Variants in RALGAPA2 observed in about 807,000 individuals in gnomAD.
The protein encoded by RALGAPA2 is ral GTPase-activating protein subunit alpha-2.
In RALGAPA2, 139 loss-of-function variants were observed where a neutral mutation model predicts 230.4. The ratio of observed to expected loss-of-function variants is 0.60; its 90% confidence interval spans 0.53 to 0.69. The LOEUF (loss-of-function observed/expected upper bound fraction) is 0.69, where lower values mean the gene tolerates loss of function less well. Among genes scored for constraint, RALGAPA2 ranks in the 30% least tolerant of loss-of-function variants. The probability of loss-of-function intolerance (pLI) is 0.00; values close to 1 mark genes in which losing one functional copy is unlikely to be tolerated. For missense variants in RALGAPA2, 2,163 were observed against 2,276.0 expected (o/e 0.95, Z 1.01); for synonymous variants, 847 against 837.8 (o/e 1.01, Z -0.19).
intron 38 of RALGAPA2, among the ~76,000 whole-genome samples, chr20:20,411,804 G>T (rs1175709820): frequency 2.0e-5 from 3 of 152,226 alleles, no homozygotes; most frequent in Non-Finnish European, 4.4e-5. Context: ...AACCTTGCTA[G>T]ATTTGAAGGT....
chr20:20,643,118 T>G (rs1258179590), intron 5 of RALGAPA2, among the ~76,000 whole-genome samples: 1 of 152,224 alleles, frequency 6.6e-6, no homozygotes. Context: ...ACTATAATTT[T>G]AACAACCAGG....
chr20:20,512,240 TAC>T (rs370439645), intron 32 of RALGAPA2, among the ~76,000 whole-genome samples: 13,316 of 137,830 alleles, frequency 0.097, 644 homozygotes, highest in Middle Eastern at 0.14. Context: ...CACACACACA[TAC>T]ACACACACAC....
intron 30 of RALGAPA2, 32 bp downstream of exon 30, chr20:20,524,374 C>A: frequency 6.2e-7 from 1 of 1,612,964 alleles, no homozygotes; most frequent in Non-Finnish European, 8.5e-7. Flanking sequence ...TAAACCCACA[C>A]TCCATTCCCC....
At chr20:20,594,728 C>CTTTT (rs759189397) in intron 16 of RALGAPA2, among the ~76,000 whole-genome samples, 5 of 134,034 alleles carry the variant, frequency 3.7e-5, no homozygotes, top group Non-Finnish European at 8.0e-5. Context: ...CTATTACTTT[C>CTTTT]TTTTTTTTTT....
chr20:20,404,004 C>T (rs1352032366), intron 38 of RALGAPA2, among the ~76,000 whole-genome samples: 2 of 152,150 alleles, frequency 1.3e-5, no homozygotes, highest in African/African-American at 4.8e-5. Flanking sequence ...CTGAGTGCTG[C>T]GGGAAAGGCA....
At chr20:20,425,276 C>A (rs2060358085) in intron 37 of RALGAPA2, among the ~76,000 whole-genome samples, 1 of 152,210 alleles carries the variant, frequency 6.6e-6, no homozygotes, top group Admixed American at 6.5e-5. Context: ...TCAGGCACGA[C>A]ACAACTGAAT....
chr20:20,652,103 A>G (rs1198479123), intron 4 of RALGAPA2, among the ~76,000 whole-genome samples: 2 of 152,226 alleles, frequency 1.3e-5, no homozygotes, highest in Non-Finnish European at 2.9e-5. Context: ...CAATTGACAT[A>G]TACACTTTTT....
At chr20:20,536,261 T>C (rs1339736750) in intron 25 of RALGAPA2, among the ~76,000 whole-genome samples, 1 of 152,236 alleles carries the variant, frequency 6.6e-6, no homozygotes, top group East Asian at 1.9e-4. Context: ...CTCAAAGTAT[T>C]AGCAGTATTT....
intron 20 of RALGAPA2, among the ~76,000 whole-genome samples, chr20:20,581,788 A>G (rs558440272): frequency 1.3e-5 from 2 of 152,308 alleles, no homozygotes; most frequent in South Asian, 4.1e-4. Flanking sequence ...CAGAGACGTT[A>G]GTTAAATTTT....
At chr20:20,419,396 T>C (rs1478751433) in intron 37 of RALGAPA2, among the ~76,000 whole-genome samples, 2 of 152,186 alleles carry the variant, frequency 1.3e-5, no homozygotes, top group East Asian at 1.9e-4. Context: ...AGGTCTATGT[T>C]TGGGTGTTAG....
intron 2 of RALGAPA2, among the ~76,000 whole-genome samples, chr20:20,677,703 G>C (rs2068383316): frequency 7.0e-6 from 1 of 142,302 alleles, no homozygotes; most frequent in African/African-American, 2.7e-5. Context: ...GAGTGCAGTG[G>C]CGCGATCTCG....
At chr20:20,508,452 A>G (rs2062600691) in intron 33 of RALGAPA2, among the ~76,000 whole-genome samples, 1 of 152,212 alleles carries the variant, frequency 6.6e-6, no homozygotes, top group South Asian at 2.1e-4. Context: ...TGAAAAAGCC[A>G]AAGAAAAGCA....
intron 2 of RALGAPA2, 136 bp from the exon 3 acceptor site, chr20:20,676,424 T>G (rs1158875070): frequency 1.8e-6 from 1 of 549,886 alleles, no homozygotes; most frequent in Non-Finnish European, 3.1e-6. Context: ...AGAGGCAGTA[T>G]GGAGAACACA....
In RALGAPA2 at chr20:20,390,729, T is replaced by G. The variant is rs151120467; in HGVS notation, c.*2560A>C. 552 of 151,926 alleles carry G rather than the reference T, an allele frequency of 3.6e-3. 5 individuals are homozygous for G. The highest frequency in any genetic ancestry group is 0.013 in the African/African-American group (534 of 41,284). 9.4% of individuals were successfully genotyped at this position (151,926 alleles called of 1,614,324 possible). On this transcript the variant is annotated 3_prime_UTR_variant, in exon 40 of 40. Coordinates refer to ENST00000202677, the MANE Select transcript of RALGAPA2 (RefSeq NM_020343.4). ...AAAAGAAACTTGATCATTGCAATTTTCCACCCCAGATAACAAAAACAACTC... is the reference window on the plus strand; with the variant it reads ...AAAAGAAACTTGATCATTGCAATTTGCCACCCCAGATAACAAAAACAACTC...
intron 34 of RALGAPA2, chr20:20,505,111 C>G (rs1299964917): frequency 1.0e-6 from 1 of 985,290 alleles, no homozygotes. Context: ...CTTCTCTGCC[C>G]ACATTTGTCT....
Position 20,576,171 on chromosome 20 carries a change from T to A in RALGAPA2, c.2708-3103A>T, listed in dbSNP as rs561926786. On this transcript the variant is annotated intron_variant, in intron 20 of 39. Transcript: ENST00000202677. Reference sequence around the variant, plus strand: ...TGACAATAATATAGTTTCCATATACTCCGTATCTAATTTCTCCACTATTAA... The same window carrying A: ...TGACAATAATATAGTTTCCATATACACCGTATCTAATTTCTCCACTATTAA... Among the ~76,000 whole-genome samples, 27 of 152,244 alleles carry A rather than the reference T, an allele frequency of 1.8e-4. 1 individual carries two copies. The South Asian group carries it at 5.6e-3, about 32-fold the overall frequency.
At chr20:20,696,594 C>G (rs949870227) in intron 1 of RALGAPA2, among the ~76,000 whole-genome samples, 7 of 151,832 alleles carry the variant, frequency 4.6e-5, no homozygotes, top group African/African-American at 1.7e-4. Flanking sequence ...CCTATTTCCC[C>G]TCTCCCACCC....
At chr20:20,698,793 G>A (rs541380222) in intron 1 of RALGAPA2, among the ~76,000 whole-genome samples, 2 of 152,340 alleles carry the variant, frequency 1.3e-5, no homozygotes, top group African/African-American at 4.8e-5. Context: ...TGGTAGAATA[G>A]GCTTTTGCGA....
chr20:20,606,222 T>TC (rs1458513948), intron 14 of RALGAPA2, among the ~76,000 whole-genome samples: 1 of 152,070 alleles, frequency 6.6e-6, no homozygotes, highest in Non-Finnish European at 1.5e-5. Flanking sequence ...CACTTCCTCA[T>TC]CCCCCAGGCA....
Sources: gnomAD v4.1 joint callset for allele counts (sites outside exome capture counted in the v4.1 genomes callset) on GRCh38, gnomAD v4.1.1 for gene constraint, MANE v1.5 for transcripts, NCBI Gene and HGNC (gene_info 2026-07-23, HGNC 2026-07-21) for gene names.